Variants in ZRANB1 observed in about 807,000 individuals in gnomAD.
The protein encoded by ZRANB1 is ubiquitin thioesterase ZRANB1.
A neutral mutation model predicts 80.5 loss-of-function variants in ZRANB1; 16 were observed. That is an observed-to-expected ratio of 0.20 (90% CI 0.13 to 0.30). The LOEUF (loss-of-function observed/expected upper bound fraction) is 0.30, where lower values mean the gene tolerates loss of function less well. ZRANB1 is among the 10% of genes least tolerant of loss of function. ZRANB1 has a pLI of 1.00. For missense variants in ZRANB1, 576 were observed against 862.6 expected, an observed-to-expected ratio of 0.67 and a Z score of 4.16; for synonymous variants, 291 against 293.1, an observed-to-expected ratio of 0.99 and a Z score of 0.07.
intron 5 of ZRANB1, among the ~76,000 whole-genome samples, chr10:124,978,605 A>C (rs572949623): frequency 6.6e-6 from 1 of 152,020 alleles, no homozygotes; most frequent in Non-Finnish European, 1.5e-5. Flanking sequence ...GAAAAAAATC[A>C]ATATAAGTCT....
intron 5 of ZRANB1, among the ~76,000 whole-genome samples, chr10:124,980,051 G>A (rs564540585): frequency 1.3e-5 from 2 of 152,138 alleles, no homozygotes; most frequent in African/African-American, 2.4e-5. Flanking sequence ...CAGCTTTATC[G>A]ATTTTTGTAA....
At chr10:124,953,972 C>CTT (rs1413494161) in intron 1 of ZRANB1, among the ~76,000 whole-genome samples, 2 of 144,306 alleles carry the variant, frequency 1.4e-5, no homozygotes, top group African/African-American at 5.1e-5. Context: ...TCTTTCTTTT[C>CTT]TTTTTTTTCT....
At chr10:124,920,164 C>CATCT in the ZRANB1 span, among the ~76,000 whole-genome samples, 2 of 149,414 alleles carry the variant, frequency 1.3e-5, no homozygotes, top group Non-Finnish European at 3.0e-5. Context: ...CTCAGATGAT[C>CATCT]ATCTGCCTGC....
chr10:124,943,850 T>C (rs73373129), intron 1 of ZRANB1, among the ~76,000 whole-genome samples: 4,583 of 152,312 alleles, frequency 0.03, 220 homozygotes, highest in African/African-American at 0.1. Flanking sequence ...GTAAACAGTG[T>C]GAGCATCTTG....
At position 124,985,730 on chromosome 10, in the gene ZRANB1, G is replaced by C. The variant is rs953670231; in HGVS notation, c.*738G>C. 1 of 152,386 alleles carries C rather than the reference G, an allele frequency of 6.6e-6. No homozygotes were observed. Among genetic ancestry groups the C allele is most frequent in the Non-Finnish European group, 1.5e-5 (1 of 68,026 alleles). The allele number at this position is 152,386 out of a possible 1,614,324, so 9.4% of individuals were successfully genotyped here. A position where few individuals can be genotyped will look rare whatever the true frequency, so the allele number is the denominator to read the frequency against. ...GTTGGGAAGAATACCTTAAAATGAGGGTTCTTATTCCAGATTCTGGGCAGT... is the reference window on the plus strand; with the variant it reads ...GTTGGGAAGAATACCTTAAAATGAGCGTTCTTATTCCAGATTCTGGGCAGT... On this transcript the variant is annotated 3_prime_UTR_variant, in exon 9 of 9. Coordinates refer to ENST00000359653, the MANE Select transcript of ZRANB1 (RefSeq NM_017580.3).
chr10:124,929,930 G>A, the ZRANB1 span, among the ~76,000 whole-genome samples: 2 of 140,278 alleles, frequency 1.4e-5, no homozygotes, highest in East Asian at 4.3e-4. Flanking sequence ...GGGCAACAGA[G>A]CGAGACTCTG....
At chr10:124,951,028 A>G (rs1056824811) in intron 1 of ZRANB1, among the ~76,000 whole-genome samples, 1 of 149,152 alleles carries the variant, frequency 6.7e-6, no homozygotes, top group Non-Finnish European at 1.5e-5. Context: ...GGTTTTACTT[A>G]CACACCTTGT....
chr10:124,979,539 G>GTTTTTC, intron 5 of ZRANB1, among the ~76,000 whole-genome samples: 1 of 152,124 alleles, frequency 6.6e-6, no homozygotes, highest in East Asian at 1.9e-4. Flanking sequence ...GTTTATCAAT[G>GTTTTTC]TTTTTCTGTT....
chr10:124,923,277 C>CAAAAACAAACAAACAAA, the ZRANB1 span, among the ~76,000 whole-genome samples: 1 of 148,372 alleles, frequency 6.7e-6, no homozygotes, highest in Non-Finnish European at 1.5e-5. Context: ...GACTCTGTCT[C>CAAAAACAAACAAACAAA]AAAAACAAAC....
At chr10:124,920,707 A>G in the ZRANB1 span, among the ~76,000 whole-genome samples, 2 of 151,910 alleles carry the variant, frequency 1.3e-5, no homozygotes, top group Non-Finnish European at 2.9e-5. Flanking sequence ...TGACTACTTT[A>G]ACCCAAGGGA....
chr10:124,920,402 A>G, the ZRANB1 span, among the ~76,000 whole-genome samples: 1 of 152,146 alleles, frequency 6.6e-6, no homozygotes, highest in South Asian at 2.1e-4. Context: ...ACCTCCTCAC[A>G]TCACAACATA....
upstream of ZRANB1, among the ~76,000 whole-genome samples, chr10:124,938,926 C>T (rs1440029088): frequency 1.3e-5 from 2 of 152,022 alleles, no homozygotes; most frequent in African/African-American, 2.4e-5. Flanking sequence ...CCTGTAATGC[C>T]AGCTCTTTGG....
chr10:124,917,595 C>T, the ZRANB1 span, among the ~76,000 whole-genome samples: 3 of 152,190 alleles, frequency 2.0e-5, no homozygotes, highest in Non-Finnish European at 4.4e-5. Context: ...CTTTTCCTGC[C>T]GGAGACGGAT....
chr10:124,976,010 G>A (rs566347150), intron 5 of ZRANB1, among the ~76,000 whole-genome samples: 3 of 152,268 alleles, frequency 2.0e-5, no homozygotes, highest in African/African-American at 4.8e-5. Context: ...CTTGTGGGGA[G>A]CGGAGGGGGA....
rs566472304 is a variant in ZRANB1, at chr10:124,983,756, T to C, written c.1908+68T>C. On this transcript the variant is annotated intron_variant, in intron 8 of 8. Coordinates refer to ENST00000359653, the MANE Select transcript of ZRANB1 (RefSeq NM_017580.3). The surrounding 1 kb of genome is among the most constrained non-coding windows in gnomAD (Gnocchi z 6.2). ...TACCAGAAACAGCCTGAAGTGCCTT[T>C]CAGGTGTGGTTTTATCTGCACTATC... 1.6e-6 allele frequency: 2 copies of C among 1,222,204 alleles called. No homozygotes were observed. Among genetic ancestry groups the C allele is most frequent in the East Asian group, 5.1e-5 (2 of 38,972 alleles). 75.7% of individuals were successfully genotyped at this position (1,222,204 alleles called of 1,614,324 possible).
chr10:124,978,578 G>A (rs1400084180), intron 5 of ZRANB1, among the ~76,000 whole-genome samples: 1 of 151,706 alleles, frequency 6.6e-6, no homozygotes, highest in Non-Finnish European at 1.5e-5. Context: ...AGGTGGAGGC[G>A]TTTAATGTTA....
the ZRANB1 span, among the ~76,000 whole-genome samples, chr10:124,917,628 A>G: frequency 6.6e-6 from 1 of 151,690 alleles, no homozygotes; most frequent in African/African-American, 2.4e-5. Context: ...TTTCGCTCCC[A>G]CTCCGCAATA....
intron 1 of ZRANB1, chr10:124,962,546 A>G: frequency 6.5e-6 from 2 of 305,816 alleles, no homozygotes; most frequent in Non-Finnish European, 9.6e-6. Flanking sequence ...TCTGTTTTCT[A>G]AATATCTATG....
intron 1 of ZRANB1, among the ~76,000 whole-genome samples, chr10:124,949,281 G>A (rs1384908806): frequency 4.6e-5 from 7 of 151,866 alleles, no homozygotes; most frequent in Admixed American, 1.3e-4. Flanking sequence ...CCTAGTTGGC[G>A]TTTATCTTAC....
Sources: allele counts gnomAD v4.1 joint callset (sites outside exome capture counted in the v4.1 genomes callset), GRCh38; gene constraint gnomAD v4.1.1; non-coding constraint Gnocchi (gnomAD v3.1); transcripts MANE v1.5; gene names NCBI Gene and HGNC (gene_info 2026-07-23, HGNC 2026-07-21).